HIF3A: variants seen among roughly 807,000 people sequenced by gnomAD.
HIF3A encodes the protein hypoxia-inducible factor 3-alpha.
A neutral mutation model predicts 67.2 loss-of-function variants in HIF3A; 41 were observed. That is an observed-to-expected ratio of 0.61 (90% CI 0.48 to 0.79). The LOEUF is 0.79. Among genes scored for constraint, HIF3A ranks in the 30% least tolerant of loss-of-function variants. The pLI, the probability that HIF3A is intolerant of heterozygous loss-of-function variation, is 0.00. For missense variants in HIF3A, 855 were observed against 898.0 expected, an observed-to-expected ratio of 0.95 and a Z score of 0.61; for synonymous variants, 356 against 374.8, an observed-to-expected ratio of 0.95 and a Z score of 0.58.
chr19:46,324,445 A>G (rs1325906806), intron 10 of HIF3A, among the ~76,000 whole-genome samples: 1 of 152,168 alleles, frequency 6.6e-6, no homozygotes. Flanking sequence ...CTCCAGAGAA[A>G]TACAGACTGT....
intron 11 of HIF3A, among the ~76,000 whole-genome samples, chr19:46,328,391 G>C (rs1037034341): frequency 1.3e-5 from 2 of 152,164 alleles, no homozygotes; most frequent in Non-Finnish European, 2.9e-5. Flanking sequence ...AAACCTTCAA[G>C]TACTATCTCC....
chr19:46,332,087 A>G lies in HIF3A; in HGVS notation c.1830+814A>G, dbSNP rs146609175. ...CCAGGTCTGCCACCCAGTAACTGCC[A>G]CCTGACCTTGGGCAGGTTACGTCAC... On this transcript the variant is annotated intron_variant, in intron 13 of 14. Transcript: ENST00000377670. 5.9e-3 allele frequency among the ~76,000 whole-genome samples: 897 copies of G among 152,176 alleles called. 8 individuals carry two copies. Among genetic ancestry groups the G allele is most frequent in the African/African-American group, 0.021 (857 of 41,510 alleles).
chr19:46,336,475 C>A (rs1158674003), intron 14 of HIF3A, among the ~76,000 whole-genome samples: 2 of 152,126 alleles, frequency 1.3e-5, no homozygotes, highest in Non-Finnish European at 2.9e-5. Flanking sequence ...TCAAGCGATC[C>A]TCCCACCTCA....
chr19:46,304,422 A>ACT (rs1349062435), intron 2 of HIF3A, among the ~76,000 whole-genome samples: 1 of 151,574 alleles, frequency 6.6e-6, no homozygotes, highest in East Asian at 1.9e-4. Flanking sequence ...CCTCTAGGAG[A>ACT]CTCTCCCAGA....
At position 46,331,281 on chromosome 19, in the gene HIF3A, G is replaced by T. The variant is rs1971194741; in HGVS notation, c.1830+8G>T. 1.9e-6 allele frequency: 3 copies of T among 1,606,208 alleles called. No individual in the cohort carries two copies. The highest frequency in any genetic ancestry group is 4.5e-5 in the East Asian group (2 of 44,796). On this transcript the variant is annotated splice_region_variant and intron_variant, in intron 13 of 14. Coordinates refer to ENST00000377670, the MANE Select transcript of HIF3A (RefSeq NM_152795.4). ...CTCTTTCCTCTCAGCCTGGTGTGTT[G>T]GGGGATTAATGGGATTCTCTGGCCC...
chr19:46,320,532 A>T lies in HIF3A; in HGVS notation c.1115A>T (p.Lys372Met). Reference protein sequence around the residue: ...RPIQRGAPSQKDTPNPGDSLD... With the variant: ...RPIQRGAPSQMDTPNPGDSLD... ...ATTCAGCGGGGCGCCCCCTCTCAGA[A>T]GGACACCCCTAACCCTGGGGACAGC... The change falls in exon 9 of 15, where the codon AAG becomes ATG. Residue 372 changes from lysine (K) to methionine (M), a missense_variant. Around this residue, in one of 3 missense-constraint regions of HIF3A, gnomAD observed 638 missense variants for 660.5 expected, o/e 0.97. Coordinates refer to ENST00000377670, the MANE Select transcript of HIF3A (RefSeq NM_152795.4). The T allele has an allele frequency of 6.2e-7, 1 of 1,614,050 alleles. No homozygotes were observed. The highest frequency in any genetic ancestry group is 8.5e-7 in the Non-Finnish European group (1 of 1,179,954).
At chr19:46,299,065 C>T (rs1436080107) in intron 1 of HIF3A, among the ~76,000 whole-genome samples, 5 of 152,266 alleles carry the variant, frequency 3.3e-5, no homozygotes, top group Non-Finnish European at 5.9e-5. Flanking sequence ...CCCCAACCCC[C>T]ATTCTCAGGC....
chr19:46,299,189 T>TGGACCAGGGCTGGGCATGGGGCC (rs1485750695), intron 1 of HIF3A, among the ~76,000 whole-genome samples: 1 of 152,154 alleles, frequency 6.6e-6, no homozygotes, highest in Non-Finnish European at 1.5e-5. Context: ...GCCAGGGGGC[T>TGGACCAGGGCTGGGCATGGGGCC]GGACCAGGGC....
intron 8 of HIF3A, chr19:46,313,425 C>A: frequency 3.1e-6 from 1 of 321,504 alleles, no homozygotes; most frequent in Non-Finnish European, 4.2e-6. Context: ...GGGTTCAAGA[C>A]CAGCCTGGGC....
rs529138330 is a variant in HIF3A at position 46,309,613 on chromosome 19, G to A, written c.770+254G>A. Among the ~76,000 whole-genome samples, 14 of 152,062 alleles carry A rather than the reference G, an allele frequency of 9.2e-5. No individual in the cohort carries two copies. The South Asian group carries it at 2.9e-3, about 32-fold the overall frequency. On this transcript the variant is annotated intron_variant, in intron 6 of 14. Transcript: ENST00000377670. Reference sequence around the variant, plus strand: ...GGGCTCAAGCCATCCTCCCACTTCGGCCTCCCAAAGTGTTGGGATTACAGG... The same window carrying A: ...GGGCTCAAGCCATCCTCCCACTTCGACCTCCCAAAGTGTTGGGATTACAGG...
At chr19:46,311,597 G>T (rs1969427990) in intron 6 of HIF3A, among the ~76,000 whole-genome samples, 1 of 152,202 alleles carries the variant, frequency 6.6e-6, no homozygotes, top group Middle Eastern at 3.4e-3. Flanking sequence ...GGGCGAGGTG[G>T]CTAACACCTG....
intron 6 of HIF3A, 166 bp from the exon 7 acceptor site, chr19:46,311,995 C>A: frequency 1.0e-5 from 8 of 767,666 alleles, no homozygotes; most frequent in Non-Finnish European, 1.7e-5. Flanking sequence ...ATTATTCAAC[C>A]CACCACACTC....
At chr19:46,334,284 G>A (rs1601370251) in intron 13 of HIF3A, among the ~76,000 whole-genome samples, 1 of 151,732 alleles carries the variant, frequency 6.6e-6, no homozygotes, top group African/African-American at 2.4e-5. Context: ...TAGAGATGGA[G>A]TTTCACCATG....
chr19:46,321,939 C>T lies in HIF3A; in HGVS notation c.1308C>T (p.Ala436=), dbSNP rs1970403776. 1 of 1,613,896 alleles carries T rather than the reference C, an allele frequency of 6.2e-7. No homozygotes were observed. The highest frequency in any genetic ancestry group is 1.3e-5 in the African/African-American group (1 of 74,936). The change falls in exon 10 of 15, where the codon GCC becomes GCT. Residue 436 remains alanine (A), a synonymous_variant. Coordinates refer to ENST00000377670, the MANE Select transcript of HIF3A (RefSeq NM_152795.4). ...CAGCCACTCCCAGCACCCCGCTGGC[C>T]ACACGGCACCCCCAAAGTCCTCTTT... ...SVAATPSTPL[A]TRHPQSPLSA...
intron 13 of HIF3A, 132 bp from the exon 14 acceptor site, chr19:46,334,773 T>C (rs994505625): frequency 1.3e-5 from 8 of 626,722 alleles, no homozygotes; most frequent in African/African-American, 9.2e-5. Flanking sequence ...TCTCAAACGT[T>C]TGGGCTTAAG....
chr19:46,298,725 C>T (rs1407310825), intron 1 of HIF3A, among the ~76,000 whole-genome samples: 2 of 152,244 alleles, frequency 1.3e-5, no homozygotes, highest in South Asian at 2.1e-4. Context: ...CAGGCAGAGT[C>T]GGGGGGCAGA....
At chr19:46,325,662 G>C (rs994293856) in intron 11 of HIF3A, 23 bp downstream of exon 11, 2 of 1,478,748 alleles carry the variant, frequency 1.4e-6, no homozygotes, top group Non-Finnish European at 1.9e-6. Context: ...ATGGAAGGGA[G>C]TAATCCTCAG....
chr19:46,303,973 G>A lies in HIF3A; in HGVS notation c.102G>A (p.Leu34=), dbSNP rs1478112815. ...RSRRSQETEV[L]YQLAHTLPFA... ...GGCGCAGCCAGGAGACCGAGGTGCT[G>A]TACCAGCTGGCTCACACGCTGCCCT... The change falls in exon 2 of 15, where the codon CTG becomes CTA. Residue 34 remains leucine, a synonymous_variant. Transcript: ENST00000377670. The A allele has an allele frequency of 1.9e-6, 3 of 1,603,762 alleles. No homozygotes were observed. Among genetic ancestry groups the A allele is most frequent in the South Asian group, 1.1e-5 (1 of 89,094 alleles).
intron 5 of HIF3A, 68 bp downstream of exon 5, chr19:46,308,843 A>G (rs961755583): frequency 9.3e-7 from 1 of 1,070,966 alleles, no homozygotes; most frequent in Admixed American, 2.3e-5. Context: ...AAGATCTTGA[A>G]GGGTGCTGGA....
Sources: allele counts gnomAD v4.1 joint callset (sites outside exome capture counted in the v4.1 genomes callset), GRCh38; gene constraint gnomAD v4.1.1; regional missense constraint gnomAD v4.1.1; transcripts MANE v1.5; gene names NCBI Gene and HGNC (gene_info 2026-07-23, HGNC 2026-07-21).